Variants in MAPK14 observed in about 807,000 individuals in gnomAD.
MAPK14 encodes mitogen-activated protein kinase 14, also known as CSAID-binding protein.
In MAPK14, 16 loss-of-function variants were observed where a neutral mutation model predicts 49.6. The observed-to-expected ratio is 0.32, with a 90% CI of 0.22 to 0.49. MAPK14 has a LOEUF of 0.49. MAPK14 is among the 20% of genes least tolerant of loss of function. The pLI is 0.99. For synonymous variants in MAPK14, 142 were observed against 158.0 expected, an observed-to-expected ratio of 0.90 and a Z score of 0.76; for missense variants, 200 against 441.2, an observed-to-expected ratio of 0.45 and a Z score of 4.90.
intron 9 of MAPK14, among the ~76,000 whole-genome samples, chr6:36,101,720 C>T (rs1462140680): frequency 6.6e-6 from 1 of 152,146 alleles, no homozygotes; most frequent in Non-Finnish European, 1.5e-5. Context: ...CCATGTTACC[C>T]AGGCTGGTCT....
intron 6 of MAPK14, 135 bp from the exon 7 acceptor site, chr6:36,075,713 T>C: frequency 8.8e-7 from 1 of 1,131,164 alleles, no homozygotes. Flanking sequence ...GACCAGGAAA[T>C]CTCTTTATGA....
chr6:36,088,072 A>C (rs149558921), intron 8 of MAPK14, among the ~76,000 whole-genome samples: 1 of 152,232 alleles, frequency 6.6e-6, no homozygotes, highest in Admixed American at 6.5e-5. Context: ...CTGGCTAGCC[A>C]TGTGCAGAAA....
chr6:36,061,106 T>C (rs560084373), intron 3 of MAPK14, among the ~76,000 whole-genome samples: 29 of 152,352 alleles, frequency 1.9e-4, no homozygotes, highest in Non-Finnish European at 3.2e-4. Flanking sequence ...TTTTTAAAAA[T>C]AGTTTTCCTA....
At chr6:36,093,987 A>G (rs1043828321) in intron 8 of MAPK14, among the ~76,000 whole-genome samples, 2 of 152,300 alleles carry the variant, frequency 1.3e-5, no homozygotes, top group African/African-American at 4.8e-5. Flanking sequence ...GTCATTTTAG[A>G]TGAGCAAGAA....
intron 1 of MAPK14, among the ~76,000 whole-genome samples, chr6:36,044,903 G>T (rs574546936): frequency 3.3e-5 from 5 of 152,260 alleles, no homozygotes; most frequent in Middle Eastern, 3.4e-3. Flanking sequence ...GGAGTCCAAG[G>T]CAGGAGGATC....
intron 1 of MAPK14, among the ~76,000 whole-genome samples, chr6:36,030,368 T>C (rs1413788441): frequency 1.3e-5 from 2 of 152,176 alleles, no homozygotes; most frequent in African/African-American, 4.8e-5. Flanking sequence ...TACATTGACA[T>C]TGTATAAAAT....
chr6:36,106,056 A>G (rs1043139809), intron 10 of MAPK14, among the ~76,000 whole-genome samples: 3 of 152,244 alleles, frequency 2.0e-5, no homozygotes, highest in Non-Finnish European at 4.4e-5. Flanking sequence ...AATATCCCGC[A>G]GATTACTTGC....
At chr6:36,119,017 T>C in the MAPK14 span, among the ~76,000 whole-genome samples, 1 of 152,232 alleles carries the variant, frequency 6.6e-6, no homozygotes, top group African/African-American at 2.4e-5. Context: ...ACAAAACATA[T>C]TTATTGTTGA....
At chr6:36,047,393 A>G (rs923339132) in intron 1 of MAPK14, among the ~76,000 whole-genome samples, 2 of 152,196 alleles carry the variant, frequency 1.3e-5, no homozygotes, top group Non-Finnish European at 2.9e-5. Context: ...ATAGCAGCTG[A>G]GAGAGAGGGA....
chr6:36,092,265 T>C, intron 8 of MAPK14: 1 of 577,940 alleles, frequency 1.7e-6, no homozygotes. Context: ...TATAGACCAC[T>C]GGAGAACATT....
rs762205038 is a variant in MAPK14 at position 36,062,985 on chromosome 6, G to A, written c.305+3638G>A. ...CAGTTGGCTTTTAATCATGTGATAC[G>A]TGTATTTGTCCCTTTATGTTTCGGT... On this transcript the variant is annotated intron_variant, in intron 3 of 11. Coordinates refer to ENST00000229794, the MANE Select transcript of MAPK14 (RefSeq NM_139012.3). Among the ~76,000 whole-genome samples the A allele has an allele frequency of 3.6e-4, 55 of 152,034 alleles. 1 individual carries two copies. Among genetic ancestry groups the A allele is most frequent in the Non-Finnish European group, 2.5e-4 (17 of 67,984 alleles).
intron 1 of MAPK14, among the ~76,000 whole-genome samples, chr6:36,034,151 C>G (rs986552496): frequency 1.3e-5 from 2 of 152,132 alleles, no homozygotes; most frequent in African/African-American, 2.4e-5. Flanking sequence ...GAAAGCAGTT[C>G]CACCAGTGTC....
Position 36,108,933 on chromosome 6 carries a change from C to T in MAPK14, c.*486C>T, listed in dbSNP as rs1768290587. 3 of 164,848 alleles carry T rather than the reference C, an allele frequency of 1.8e-5. No homozygotes were observed. In the South Asian group the frequency reaches 4.6e-4, roughly 25 times the overall value. The allele number at this position is 164,848 out of a possible 1,614,324, so 10.2% of individuals were successfully genotyped here. A position where few individuals can be genotyped will look rare whatever the true frequency, so the allele number is the denominator to read the frequency against. ...CTGGTTGCTTCAGACCTGACACCGT[C>T]CCTCAGTGATACGTACAGCCAAAAA... is the stretch of plus-strand genomic sequence containing the variant. On this transcript the variant is annotated 3_prime_UTR_variant, in exon 12 of 12. Coordinates refer to ENST00000229794, the MANE Select transcript of MAPK14 (RefSeq NM_139012.3).
At chr6:36,093,231 A>G (rs1441485652) in intron 8 of MAPK14, among the ~76,000 whole-genome samples, 1 of 152,168 alleles carries the variant, frequency 6.6e-6, no homozygotes. Flanking sequence ...GCCAGAGTCA[A>G]ACTAGGCTTG....
At position 36,107,832 on chromosome 6, in the gene MAPK14, A is replaced by AC. The variant is rs1194937103; in HGVS notation, c.1015+205dup. 6.6e-6 allele frequency among the ~76,000 whole-genome samples: 1 copy of AC among 152,256 alleles called. No homozygotes were observed. ...ACTTATGTCTGGTCTGATTTTATGC[A>AC]CAGCCCCTCACATAGGAGTTTTGCA... is the stretch of plus-strand genomic sequence containing the variant. On this transcript the variant is annotated intron_variant, in intron 11 of 11. Transcript: ENST00000229794. This position sits in a 1 kb window ranked among gnomAD's most constrained non-coding sequence, Gnocchi z 4.3.
Position 36,042,234 on chromosome 6 carries a change from A to G in MAPK14, c.117-10465A>G, listed in dbSNP as rs995086360. On this transcript the variant is annotated intron_variant, in intron 1 of 11. Transcript: ENST00000229794. ...AGGCAGTTGCATTTCTAAAAAGTCTACAAATGGTTCTTTAGGTAGTAGAGA... is the reference window on the plus strand; with the variant it reads ...AGGCAGTTGCATTTCTAAAAAGTCTGCAAATGGTTCTTTAGGTAGTAGAGA... Among the ~76,000 whole-genome samples, 5 of 152,140 alleles carry G rather than the reference A, an allele frequency of 3.3e-5. No homozygotes were observed. In the South Asian group the frequency reaches 6.2e-4, roughly 19 times the overall value.
At chr6:36,095,497 G>A (rs184262456) in intron 8 of MAPK14, among the ~76,000 whole-genome samples, 223 of 152,214 alleles carry the variant, frequency 1.5e-3, no homozygotes, top group African/African-American at 5.0e-3. Context: ...TTTAGGTCAC[G>A]CTTGGGAGAA....
intron 9 of MAPK14, 153 bp downstream of exon 9, chr6:36,096,219 G>T: frequency 1.7e-6 from 1 of 598,386 alleles, no homozygotes; most frequent in South Asian, 2.0e-5. Flanking sequence ...GTGTGAGTGT[G>T]TGTGTGCGTG....
intron 3 of MAPK14, among the ~76,000 whole-genome samples, chr6:36,067,292 C>T (rs1193953624): frequency 6.6e-6 from 1 of 152,118 alleles, no homozygotes; most frequent in Non-Finnish European, 1.5e-5. Flanking sequence ...TCACTTCTTC[C>T]TAAGTCTGTG....
Sources: allele counts gnomAD v4.1 joint callset (sites outside exome capture counted in the v4.1 genomes callset), GRCh38; gene constraint gnomAD v4.1.1; non-coding constraint Gnocchi (gnomAD v3.1); transcripts MANE v1.5; gene names NCBI Gene and HGNC (gene_info 2026-07-23, HGNC 2026-07-21).